PAX5: variants seen among roughly 807,000 people sequenced by gnomAD.
PAX5 encodes paired box protein Pax-5.
PAX5 carries 9 observed loss-of-function variants against 43.7 expected under a neutral mutation model. The observed-to-expected ratio is 0.21, with a 90% CI of 0.12 to 0.36. The LOEUF is 0.36. PAX5 is among the 10% of genes least tolerant of loss of function. The pLI is 1.00. For missense variants in PAX5, 383 were observed against 532.7 expected, an observed-to-expected ratio of 0.72 and a Z score of 2.77; for synonymous variants, 228 against 214.3, an observed-to-expected ratio of 1.06 and a Z score of -0.56.
intron 6 of PAX5, among the ~76,000 whole-genome samples, chr9:36,940,048 A>T (rs1489317510): frequency 6.6e-6 from 1 of 152,234 alleles, no homozygotes; most frequent in African/African-American, 2.4e-5. Context: ...GCCGGGGCTT[A>T]ATTTATTGCC....
intron 1 of PAX5, chr9:37,026,563 A>C (rs1204283319): frequency 1.5e-6 from 2 of 1,339,794 alleles, no homozygotes; most frequent in Admixed American, 4.4e-5. Flanking sequence ...TCGTGCTTAC[A>C]GTGTATTTCC....
chr9:36,966,747 A>G (rs1272682041), intron 5 of PAX5, 23 bp from the exon 6 acceptor site: 2 of 1,609,994 alleles, frequency 1.2e-6, no homozygotes, highest in South Asian at 1.1e-5. Context: ...GGAGAGAGGA[A>G]GGGTGAGTGG....
At chr9:36,924,746 A>G (rs111358784) in intron 6 of PAX5, among the ~76,000 whole-genome samples, 21 of 91,094 alleles carry the variant, frequency 2.3e-4, no homozygotes, top group East Asian at 8.7e-4. Flanking sequence ...GAAGGAAGGA[A>G]GGAAGGAAGG....
intron 8 of PAX5, among the ~76,000 whole-genome samples, chr9:36,870,015 GATGGATGGATGGATGGATAA>G (rs1262349568): frequency 3.6e-4 from 35 of 96,962 alleles, no homozygotes; most frequent in African/African-American, 1.0e-3. Flanking sequence ...TAAATGGATG[GATGGATGGATGGATGGATAA>G]ATGGATGGAT....
At chr9:36,973,068 A>AGGAAAGGAACGGAACGGAACGGAAC (rs1835062967) in intron 5 of PAX5, among the ~76,000 whole-genome samples, 1 of 110,268 alleles carries the variant, frequency 9.1e-6, no homozygotes, top group African/African-American at 3.7e-5. Context: ...AGGAAAGGAA[A>AGGAAAGGAACGGAACGGAACGGAAC]GGAACGGAAC....
At chr9:36,968,811 T>C (rs2132208734) in intron 5 of PAX5, among the ~76,000 whole-genome samples, 1 of 152,270 alleles carries the variant, frequency 6.6e-6, no homozygotes, top group South Asian at 2.1e-4. Context: ...TCACCTAGAC[T>C]AGCAGGTATG....
chr9:36,854,759 G>T (rs1470552326), intron 8 of PAX5, among the ~76,000 whole-genome samples: 1 of 152,158 alleles, frequency 6.6e-6, no homozygotes, highest in Non-Finnish European at 1.5e-5. Flanking sequence ...TCGATCCATT[G>T]CTGGGAAAAA....
intron 5 of PAX5, among the ~76,000 whole-genome samples, chr9:36,972,630 G>A (rs987805794): frequency 6.6e-6 from 1 of 152,218 alleles, no homozygotes; most frequent in East Asian, 1.9e-4. Flanking sequence ...CTCCTGTGAT[G>A]AGAGGCCTGT....
chr9:37,011,999 C>T lies in PAX5; in HGVS notation c.410+2998G>A, dbSNP rs78955150. On this transcript the variant is annotated intron_variant, in intron 3 of 9. Coordinates refer to ENST00000358127, the MANE Select transcript of PAX5 (RefSeq NM_016734.3). ...AAAATAAAACTGTATGCTGGGATGG[C>T]TCTGGCTTTGGGGGTTTAGGGGTGA... is the stretch of plus-strand genomic sequence containing the variant. Among the ~76,000 whole-genome samples the T allele has an allele frequency of 8.1e-3, 1,234 of 152,242 alleles. 14 individuals carry two copies. The highest frequency in any genetic ancestry group is 0.028 in the African/African-American group (1,183 of 41,520).
chr9:36,969,887 C>T (rs939424631), intron 5 of PAX5, among the ~76,000 whole-genome samples: 5 of 152,206 alleles, frequency 3.3e-5, no homozygotes, highest in Non-Finnish European at 7.4e-5. Context: ...GAAATAATGG[C>T]AATAGTGTCT....
At chr9:37,016,211 A>T (rs890197245) in intron 2 of PAX5, among the ~76,000 whole-genome samples, 1 of 152,166 alleles carries the variant, frequency 6.6e-6, no homozygotes, top group East Asian at 1.9e-4. Context: ...TACACTTTTG[A>T]TTTGCCAGCT....
At chr9:36,988,114 C>T (rs1176650686) in intron 5 of PAX5, among the ~76,000 whole-genome samples, 1 of 152,094 alleles carries the variant, frequency 6.6e-6, no homozygotes, top group African/African-American at 2.4e-5. Flanking sequence ...TGGGTCCTAA[C>T]CGAGGCTCCG....
At chr9:36,858,228 A>T (rs1284559016) in intron 8 of PAX5, among the ~76,000 whole-genome samples, 1 of 152,258 alleles carries the variant, frequency 6.6e-6, no homozygotes, top group Non-Finnish European at 1.5e-5. Flanking sequence ...CACACAGCAC[A>T]TGCTTTGTGT....
intron 1 of PAX5, among the ~76,000 whole-genome samples, chr9:37,021,993 C>T (rs111897099): frequency 1.3e-5 from 2 of 152,164 alleles, no homozygotes; most frequent in African/African-American, 4.8e-5. Flanking sequence ...GAAATAGCCA[C>T]CTCATCTCAG....
rs538264116 is a variant in PAX5 at position 36,897,231 on chromosome 9, G to A, written c.911-15126C>T. Among the ~76,000 whole-genome samples, 11 of 152,292 alleles carry A rather than the reference G, an allele frequency of 7.2e-5. No homozygotes were observed. The South Asian group carries it at 1.2e-3, about 17-fold the overall frequency. ...GGCTGTGGGCCCAGAGGTAGGAACCGAGCTGGGCTTAGCAGAGGACATGCG... is the reference window on the plus strand; with the variant it reads ...GGCTGTGGGCCCAGAGGTAGGAACCAAGCTGGGCTTAGCAGAGGACATGCG... On this transcript the variant is annotated intron_variant, in intron 7 of 9. Transcript: ENST00000358127.
At chr9:37,025,767 C>A (rs1197025069) in intron 1 of PAX5, among the ~76,000 whole-genome samples, 1 of 152,256 alleles carries the variant, frequency 6.6e-6, no homozygotes, top group Non-Finnish European at 1.5e-5. Flanking sequence ...CTCCTACACA[C>A]GCTGCGTCTT....
intron 8 of PAX5, among the ~76,000 whole-genome samples, chr9:36,862,454 T>C (rs1282119759): frequency 6.6e-6 from 1 of 152,174 alleles, no homozygotes; most frequent in Non-Finnish European, 1.5e-5. Flanking sequence ...TGAGAGGTCC[T>C]CATGCTGCTT....
intron 6 of PAX5, among the ~76,000 whole-genome samples, chr9:36,959,237 T>C (rs1036450982): frequency 6.6e-6 from 1 of 152,254 alleles, no homozygotes; most frequent in Admixed American, 6.5e-5. Flanking sequence ...GGAAAGGCAT[T>C]GGCATTTAGA....
At chr9:36,889,502 T>C (rs1827185171) in intron 7 of PAX5, among the ~76,000 whole-genome samples, 1 of 152,220 alleles carries the variant, frequency 6.6e-6, no homozygotes, top group Admixed American at 6.5e-5. Flanking sequence ...ATTTTACAGA[T>C]GTGGAAACTA....
Sources: allele counts gnomAD v4.1 joint callset (sites outside exome capture counted in the v4.1 genomes callset), GRCh38; gene constraint gnomAD v4.1.1; transcripts MANE v1.5; gene names NCBI Gene and HGNC (gene_info 2026-07-23, HGNC 2026-07-21).